The following KIAA1328 variants were observed in gnomAD, a reference collection of about 807,000 sequenced individuals.
KIAA1328 encodes KIAA1328.
KIAA1328 carries 52 observed loss-of-function variants against 68.1 expected under a neutral mutation model. That is an observed-to-expected ratio of 0.76 (90% confidence interval 0.61 to 0.96). The LOEUF (loss-of-function observed/expected upper bound fraction) is 0.96. Among genes scored for constraint, KIAA1328 ranks in the 40% least tolerant of loss-of-function variants. KIAA1328 has a pLI of 0.00. For missense variants in KIAA1328, 641 were observed against 677.6 expected, an observed-to-expected ratio of 0.95 and a Z score of 0.60; for synonymous variants, 232 against 239.4, an observed-to-expected ratio of 0.97 and a Z score of 0.28.
At chr18:36,859,805 T>C (rs2047502374) in intron 4 of KIAA1328, among the ~76,000 whole-genome samples, 1 of 151,730 alleles carries the variant, frequency 6.6e-6, no homozygotes, top group African/African-American at 2.4e-5. Context: ...GTCTTTTTTT[T>C]TTAATGTGAG....
rs1401201176 is a variant in KIAA1328, at chr18:37,023,562, T to C, written c.577-43328T>C. ...GGCAGTAAACTTGATTGTAGCTTTT[T>C]CCATTCTTAGTTCTACCTCAAAGCT... is the stretch of plus-strand genomic sequence containing the variant. On this transcript the variant is annotated intron_variant, in intron 6 of 9. Transcript: ENST00000280020. 2.6e-5 allele frequency among the ~76,000 whole-genome samples: 4 copies of C among 152,190 alleles called. No individual in the cohort carries two copies. The East Asian group carries it at 7.7e-4, about 29-fold the overall frequency.
chr18:37,018,255 A>AT (rs1432806784), intron 6 of KIAA1328, among the ~76,000 whole-genome samples: 1 of 151,942 alleles, frequency 6.6e-6, no homozygotes, highest in Non-Finnish European at 1.5e-5. Context: ...CTTCCCTGGA[A>AT]TTTTTTTCTT....
intron 4 of KIAA1328, among the ~76,000 whole-genome samples, chr18:36,861,904 A>G (rs919970106): frequency 6.6e-6 from 1 of 152,104 alleles, no homozygotes; most frequent in African/African-American, 2.4e-5. Context: ...TCCTGGGCTC[A>G]CACCATCTAC....
At chr18:37,058,817 A>G (rs2151699539) in intron 6 of KIAA1328, among the ~76,000 whole-genome samples, 1 of 152,246 alleles carries the variant, frequency 6.6e-6, no homozygotes, top group Non-Finnish European at 1.5e-5. Context: ...TTACTCCCCT[A>G]AAGGTCAGAA....
intron 5 of KIAA1328, among the ~76,000 whole-genome samples, chr18:36,908,827 T>C (rs1430000173): frequency 1.3e-5 from 2 of 152,282 alleles, no homozygotes; most frequent in East Asian, 3.9e-4. Flanking sequence ...TAAATTATGT[T>C]AATTGAGCAG....
intron 6 of KIAA1328, among the ~76,000 whole-genome samples, chr18:36,974,232 T>C (rs1330102587): frequency 6.6e-6 from 1 of 152,164 alleles, no homozygotes; most frequent in Non-Finnish European, 1.5e-5. Context: ...ATTATGTAGG[T>C]AGTGAAGTCT....
intron 6 of KIAA1328, among the ~76,000 whole-genome samples, chr18:36,972,130 A>G (rs2052246783): frequency 6.6e-6 from 1 of 152,254 alleles, no homozygotes; most frequent in East Asian, 1.9e-4. Flanking sequence ...ATGATGGTCA[A>G]TTGATTATTG....
chr18:37,172,916 A>G, intron 8 of KIAA1328, 57 bp from the exon 9 acceptor site: 1 of 1,299,202 alleles, frequency 7.7e-7, no homozygotes, highest in African/African-American at 1.5e-5. Flanking sequence ...ACTAAGAGTG[A>G]ACTTTTCCAT....
At chr18:36,984,499 C>T (rs1433255682) in intron 6 of KIAA1328, among the ~76,000 whole-genome samples, 2 of 152,022 alleles carry the variant, frequency 1.3e-5, no homozygotes, top group Non-Finnish European at 1.5e-5. Flanking sequence ...TAAAACAATA[C>T]CATTTACAAA....
downstream of KIAA1328, among the ~76,000 whole-genome samples, chr18:37,225,665 A>G (rs1599645727): frequency 2.0e-5 from 3 of 152,314 alleles, no homozygotes; most frequent in African/African-American, 7.2e-5. Context: ...AAGAAGTATC[A>G]CAGCACTTTA....
intron 6 of KIAA1328, among the ~76,000 whole-genome samples, chr18:37,021,718 A>C (rs1175565203): frequency 6.6e-6 from 1 of 151,696 alleles, no homozygotes; most frequent in Non-Finnish European, 1.5e-5. Flanking sequence ...TGTACAGGGG[A>C]GCTTCTTCTT....
At chr18:37,149,921 A>C (rs951459785) in intron 7 of KIAA1328, among the ~76,000 whole-genome samples, 1 of 152,204 alleles carries the variant, frequency 6.6e-6, no homozygotes, top group Non-Finnish European at 1.5e-5. Context: ...TCAGGACTGA[A>C]AAAGGATATA....
intron 7 of KIAA1328, among the ~76,000 whole-genome samples, chr18:37,132,826 A>C (rs2058553892): frequency 1.3e-5 from 2 of 152,234 alleles, no homozygotes; most frequent in African/African-American, 4.8e-5. Flanking sequence ...AGTAGCCACA[A>C]GTTGGAAACC....
intron 7 of KIAA1328, among the ~76,000 whole-genome samples, chr18:37,142,948 T>A (rs905482904): frequency 4.0e-5 from 6 of 151,408 alleles, no homozygotes; most frequent in African/African-American, 1.5e-4. Flanking sequence ...TTTGGTTTTT[T>A]TTTTTTGTTT....
intron 6 of KIAA1328, among the ~76,000 whole-genome samples, chr18:36,995,868 G>T (rs2053370040): frequency 6.6e-6 from 1 of 152,154 alleles, no homozygotes; most frequent in Non-Finnish European, 1.5e-5. Context: ...CGGTTTCCCT[G>T]TTAGAACTCA....
intron 7 of KIAA1328, among the ~76,000 whole-genome samples, chr18:37,114,116 C>A (rs323339): frequency 0.27 from 40,490 of 152,024 alleles, 8,481 homozygotes; most frequent in African/African-American, 0.59. Context: ...AGAAAGTTAA[C>A]GAGGATATCC....
At chr18:37,008,298 G>A (rs2053852491) in intron 6 of KIAA1328, among the ~76,000 whole-genome samples, 1 of 152,204 alleles carries the variant, frequency 6.6e-6, no homozygotes, top group Non-Finnish European at 1.5e-5. Context: ...CAGACCCAAA[G>A]CATTGTAGCA....
intron 7 of KIAA1328, among the ~76,000 whole-genome samples, chr18:37,123,985 G>A (rs1183314818): frequency 6.6e-6 from 1 of 152,152 alleles, no homozygotes; most frequent in East Asian, 1.9e-4. Context: ...GGCTAGAGAT[G>A]TATAAATTTA....
Position 37,129,325 on chromosome 18 carries a change from G to T in KIAA1328, c.1233-30875G>T, listed in dbSNP as rs2058467022. Among the ~76,000 whole-genome samples the T allele has an allele frequency of 3.3e-5, 5 of 152,126 alleles. No homozygotes were observed. The South Asian group carries it at 1.0e-3, about 32-fold the overall frequency. ...AGTGGAAAAAAAAACCACGTGAAAA[G>T]AACCTGAATTTCCATCATTAGGAGA... On this transcript the variant is annotated intron_variant, in intron 7 of 9. Coordinates refer to ENST00000280020, the MANE Select transcript of KIAA1328 (RefSeq NM_020776.3).
Sources: allele counts gnomAD v4.1 joint callset (sites outside exome capture counted in the v4.1 genomes callset), GRCh38; gene constraint gnomAD v4.1.1; transcripts MANE v1.5; gene names NCBI Gene and HGNC (gene_info 2026-07-23, HGNC 2026-07-21).